The following MUC4 variants were observed in gnomAD, a reference collection of about 807,000 sequenced individuals.
MUC4 encodes the protein mucin-4.
A neutral mutation model predicts 257.9 loss-of-function variants in MUC4; 202 were observed. That is an observed-to-expected ratio of 0.78 (90% CI 0.70 to 0.88). The LOEUF is 0.88. Ranked by LOEUF, MUC4 falls within the 40% of genes least tolerant of loss-of-function variation. The pLI, the probability that MUC4 is intolerant of heterozygous loss-of-function variation, is 0.00. For synonymous variants in MUC4, 2,351 were observed against 2,757.1 expected, an observed-to-expected ratio of 0.85 and a Z score of 4.62; for missense variants, 5,976 against 6,513.7, an observed-to-expected ratio of 0.92 and a Z score of 2.84.
intron 20 of MUC4, 92 bp downstream of exon 20, chr3:195,752,956 TTCC>T: frequency 9.0e-7 from 1 of 1,115,380 alleles, no homozygotes; most frequent in Non-Finnish European, 1.3e-6. Flanking sequence ...ACCCCAGAGC[TTCC>T]TCATCTTCCC....
In MUC4 at chr3:195,780,857, A is replaced by G. The variant is rs1179911100; in HGVS notation, c.10723T>C (p.Ser3575Pro). Residue 3575 changes from serine to proline, a missense_variant, in exon 2 of 25, where the codon TCC (serine) becomes CCC (proline). Coordinates refer to ENST00000463781, the MANE Select transcript of MUC4 (RefSeq NM_018406.7). ...GTGGTGTCACCTGTGGATACTGAGG[A>G]AAGGCTGGTGACAGGAAGAGGGGTG... is the stretch of plus-strand genomic sequence containing the variant. ...QATPLPVTSLSSVSTGDTTPL... is the reference protein window; with the variant it reads ...QATPLPVTSLPSVSTGDTTPL... The G allele has an allele frequency of 6.8e-7, 1 of 1,472,278 alleles. No homozygotes were observed. Among genetic ancestry groups the G allele is most frequent in the Non-Finnish European group, 9.1e-7 (1 of 1,103,922 alleles). The allele number at this position is 1,472,278 out of a possible 1,614,324, so 91.2% of individuals were successfully genotyped here.
At chr3:195,778,263 C>T in intron 3 of MUC4, 40 bp downstream of exon 3, 1 of 1,545,770 alleles carries the variant, frequency 6.5e-7, no homozygotes, top group Non-Finnish European at 8.7e-7. Flanking sequence ...TCAGTTACAT[C>T]ACCCCTCAAA....
chr3:195,803,636 G>C (rs556847500), intron 1 of MUC4, among the ~76,000 whole-genome samples: 2 of 152,226 alleles, frequency 1.3e-5, no homozygotes, highest in Middle Eastern at 3.4e-3. Flanking sequence ...TGTTAATAGC[G>C]GCCCCATTTC....
At chr3:195,777,032 A>T (rs1287839962) in intron 3 of MUC4, among the ~76,000 whole-genome samples, 1 of 14,560 alleles carries the variant, frequency 6.9e-5, no homozygotes. Context: ...TTCCACACCC[A>T]TACCTTCCAC....
Position 195,799,260 on chromosome 3 carries a change from T to TGTGTGTGTGTGTGTGTGTGAGA in MUC4, c.83-7764_83-7763insTCTCACACACACACACACACAC, listed in dbSNP as rs1553889795. Among the ~76,000 whole-genome samples, 20 of 149,228 alleles carry TGTGTGTGTGTGTGTGTGTGAGA rather than the reference T, an allele frequency of 1.3e-4. No individual in the cohort carries two copies. The South Asian group carries it at 1.9e-3, about 14-fold the overall frequency. On this transcript the variant is annotated intron_variant, in intron 1 of 24. Transcript: ENST00000463781. ...GTGTGTGTGTGTGTGTGTGTGTGTG[T>TGTGTGTGTGTGTGTGTGTGAGA]GACACTGTGTGTGTGTGTCCCTGCC...
chr3:195,749,162 A>G (rs577417661), intron 23 of MUC4, 98 bp from the exon 24 acceptor site: 2 of 1,438,840 alleles, frequency 1.4e-6, no homozygotes, highest in South Asian at 2.5e-5. Context: ...TTATCCTGAG[A>G]AATAATTGGA....
Position 195,753,180 on chromosome 3 carries a change from A to G in MUC4, c.15379T>C (p.Cys5127Arg). ...CQNQSCPVNY[C>R]YNQGHCYISQ... ...ATGTAGCAGTGGCCTTGATTGTAGC[A>G]GTAATTCACAGGGCAGGACTGGTTC... Residue 5127 changes from cysteine (C) to arginine (R), a missense_variant, in exon 20 of 25, where the codon TGC becomes CGC. Cys to Arg is a radical substitution (Grantham distance 180). Around this residue, in one of 44 missense-constraint regions of MUC4, gnomAD observed 996 missense variants for 1,137.3 expected, o/e 0.88. Transcript: ENST00000463781. 1 of 1,613,948 alleles carries G rather than the reference A, an allele frequency of 6.2e-7. No individual in the cohort carries two copies. The highest frequency in any genetic ancestry group is 8.5e-7 in the Non-Finnish European group (1 of 1,179,904).
chr3:195,765,488 C>A, intron 8 of MUC4, 39 bp from the exon 9 acceptor site: 3 of 1,582,488 alleles, frequency 1.9e-6, no homozygotes, highest in Admixed American at 1.7e-5. Flanking sequence ...TTATCCAGGG[C>A]TGGGGCTGCA....
chr3:195,784,629 G>T lies in MUC4; in HGVS notation c.6951C>A (p.His2317Gln). Residue 2317 changes from histidine to glutamine, a missense_variant, in exon 2 of 25, where the codon CAC becomes CAA. Transcript: ENST00000463781. ...VTDASSASTGHATPLPVTSLS... is the reference protein window; with the variant it reads ...VTDASSASTGQATPLPVTSLS... ...GGCTGGTGACAGGAAGAGGGGTGGC[G>T]TGACCTGTGGATGCTGAGGAAGCGT... The T allele has an allele frequency of 8.1e-7, 1 of 1,227,778 alleles. No homozygotes were observed. Among genetic ancestry groups the T allele is most frequent in the East Asian group, 3.0e-5 (1 of 33,744 alleles). 76.1% of individuals were successfully genotyped at this position (1,227,778 alleles called of 1,614,324 possible). A position where few individuals can be genotyped will look rare whatever the true frequency, so the allele number is the denominator to read the frequency against.
At chr3:195,765,486 G>C (rs776082542) in intron 8 of MUC4, 37 bp from the exon 9 acceptor site, 4 of 1,583,254 alleles carry the variant, frequency 2.5e-6, no homozygotes, top group African/African-American at 2.7e-5. Context: ...GCTTATCCAG[G>C]GCTGGGGCTG....
rs865924671 is a variant in MUC4 at position 195,782,565 on chromosome 3, G to C, written c.9015C>G (p.His3005Gln). Reference protein sequence around the residue: ...VTDTSSASIGHATSLPVTDTS... With the variant: ...VTDTSSASIGQATSLPVTDTS... ...TGTCGGTGACAGGAAGAGAGGTGGC[G>C]TGACCTATGGATGCTGAGGAAGTGT... is the stretch of plus-strand genomic sequence containing the variant. The change falls in exon 2 of 25, where the codon CAC (histidine) becomes CAG (glutamine). Residue 3005 changes from histidine (H) to glutamine (Q), a missense_variant. Physicochemically the swap from His to Gln is conservative, Grantham distance 24. Coordinates refer to ENST00000463781, the MANE Select transcript of MUC4 (RefSeq NM_018406.7). The C allele has an allele frequency of 1.1e-5, 10 of 919,074 alleles. 2 individuals are homozygous for C. Among genetic ancestry groups the C allele is most frequent in the Admixed American group, 8.1e-5 (3 of 37,002 alleles). The allele number at this position is 919,074 out of a possible 1,614,324, so 56.9% of individuals were successfully genotyped here.
rs777618430 is a variant in MUC4, at chr3:195,789,939, T to G, written c.1641A>C (p.Thr547=). ...SAIGEPGEPT[T]YSSHSTTLPK... ...GGAGAGTTGTGCTGTGGGAGGAGTA[T>G]GTGGTGGGCTCTCCTGGTTCCCCTA... The change falls in exon 2 of 25, where the codon ACA becomes ACC. Residue 547 remains threonine, a synonymous_variant. Transcript: ENST00000463781. 29 of 1,613,824 alleles carry G rather than the reference T, an allele frequency of 1.8e-5. 1 individual carries two copies. The South Asian group carries it at 3.1e-4, about 17-fold the overall frequency.
At chr3:195,762,803 C>T in intron 13 of MUC4, 52 bp downstream of exon 13, 1 of 1,469,570 alleles carries the variant, frequency 6.8e-7, no homozygotes, top group Non-Finnish European at 9.2e-7. Flanking sequence ...GCTTCCCGCC[C>T]ACCTCGCTGC....
chr3:195,755,283 C>T lies in MUC4; in HGVS notation c.15169-911G>A, dbSNP rs186375961. ...CGATCTCGGCTCACTGCAATGTCCC[C>T]CTCCCAAGTTAAAGCAATTCTTGTG... On this transcript the variant is annotated intron_variant, in intron 18 of 24. Transcript: ENST00000463781. The surrounding 1 kb of genome is among the most constrained non-coding windows in gnomAD (Gnocchi z 5.0). 1.3e-5 allele frequency among the ~76,000 whole-genome samples: 2 copies of T among 152,058 alleles called. No homozygotes were observed. The highest frequency in any genetic ancestry group is 1.3e-4 in the Admixed American group (2 of 15,256).
chr3:195,802,413 C>T (rs1735457955), intron 1 of MUC4, among the ~76,000 whole-genome samples: 1 of 152,232 alleles, frequency 6.6e-6, no homozygotes, highest in South Asian at 2.1e-4. Flanking sequence ...CACCGCACCC[C>T]TGTGGGTTGA....
rs73205730 is a variant in MUC4 at position 195,772,004 on chromosome 3, C to T, written c.13078-188G>A. Among the ~76,000 whole-genome samples, 821 of 152,290 alleles carry T rather than the reference C, an allele frequency of 5.4e-3. 6 individuals carry two copies. The highest frequency in any genetic ancestry group is 6.9e-3 in the Non-Finnish European group (466 of 68,008). On this transcript the variant is annotated intron_variant, in intron 4 of 24. Transcript: ENST00000463781. ...TTCCATATATTCTCACAGAATGCTC[C>T]GCCCTCAGGCCATCCCTTGCGTCCT... is the stretch of plus-strand genomic sequence containing the variant.
rs374087994 is a variant in MUC4 at position 195,755,532 on chromosome 3, C to T, written c.15169-1160G>A. Reference sequence around the variant, plus strand: ...GACTCCCAAACCAAGAAGACAGAGCCTCCCTGCTGAGCACTGTGAGAAAAC... The same window carrying T: ...GACTCCCAAACCAAGAAGACAGAGCTTCCCTGCTGAGCACTGTGAGAAAAC... On this transcript the variant is annotated intron_variant, in intron 18 of 24. Coordinates refer to ENST00000463781, the MANE Select transcript of MUC4 (RefSeq NM_018406.7). The surrounding 1 kb of genome is among the most constrained non-coding windows in gnomAD (Gnocchi z 5.0). Among the ~76,000 whole-genome samples the T allele has an allele frequency of 2.6e-5, 4 of 152,096 alleles. No homozygotes were observed. Among genetic ancestry groups the T allele is most frequent in the Non-Finnish European group, 4.4e-5 (3 of 68,020 alleles).
At chr3:195,804,258 G>T (rs1409680474) in intron 1 of MUC4, among the ~76,000 whole-genome samples, 2 of 152,228 alleles carry the variant, frequency 1.3e-5, no homozygotes, top group Non-Finnish European at 2.9e-5. Flanking sequence ...ACCACGTCAG[G>T]TGGGAGACGG....
chr3:195,750,997 C>T lies in MUC4; in HGVS notation c.15763G>A (p.Ala5255Thr), dbSNP rs374956216. 35 of 1,613,934 alleles carry T rather than the reference C, an allele frequency of 2.2e-5. No individual in the cohort carries two copies. Among genetic ancestry groups the T allele is most frequent in the East Asian group, 1.3e-4 (6 of 44,870 alleles). Residue 5255 changes from alanine (A) to threonine (T), a missense_variant, in exon 23 of 25, where the codon GCG (alanine) becomes ACG (threonine). Physicochemically the swap from Ala to Thr is moderately conservative, Grantham distance 58 (BLOSUM62 0). Coordinates refer to ENST00000463781, the MANE Select transcript of MUC4 (RefSeq NM_018406.7). The part of the protein sequence containing the change: ...IDFLNNQLLA[A>T]VVEAFLYHVP... ...TGGTATAAGAACGCCTCCACCACCGCGGCCAGCAGCTGGTTGTTCAGGAAG... is the reference window on the plus strand; with the variant it reads ...TGGTATAAGAACGCCTCCACCACCGTGGCCAGCAGCTGGTTGTTCAGGAAG...
Sources: allele counts gnomAD v4.1 joint callset (sites outside exome capture counted in the v4.1 genomes callset), GRCh38; gene constraint gnomAD v4.1.1; regional missense constraint gnomAD v4.1.1; non-coding constraint Gnocchi (gnomAD v3.1); transcripts MANE v1.5; gene names NCBI Gene and HGNC (gene_info 2026-07-23, HGNC 2026-07-21).